KSR1: variants seen among roughly 807,000 people sequenced by gnomAD.
The protein encoded by KSR1 is kinase suppressor of ras 1.
A neutral mutation model predicts 92.9 loss-of-function variants in KSR1; 35 were observed. The observed-to-expected ratio is 0.38, with a 90% CI of 0.29 to 0.50. The LOEUF (loss-of-function observed/expected upper bound fraction) is 0.50, where lower values mean the gene tolerates loss of function less well. Among genes scored for constraint, KSR1 ranks in the 20% least tolerant of loss-of-function variants. KSR1 has a pLI of 0.94. For missense variants in KSR1, 972 were observed against 1,158.5 expected, an observed-to-expected ratio of 0.84 and a Z score of 2.34; for synonymous variants, 467 against 472.6, an observed-to-expected ratio of 0.99 and a Z score of 0.15.
intron 1 of KSR1, among the ~76,000 whole-genome samples, chr17:27,470,989 G>A (rs1040559441): frequency 1.3e-5 from 2 of 151,938 alleles, no homozygotes; most frequent in African/African-American, 4.8e-5. Flanking sequence ...TTGTGCCTCA[G>A]CCTCCTGAGT....
At chr17:27,610,305 T>C in intron 17 of KSR1, 107 bp downstream of exon 17, 1 of 1,491,328 alleles carries the variant, frequency 6.7e-7, no homozygotes, top group Non-Finnish European at 9.1e-7. Context: ...AAACCCAGGC[T>C]CTGGAGTAAA....
At chr17:27,555,511 C>CGTGTGT (rs71359222) in intron 2 of KSR1, among the ~76,000 whole-genome samples, 2,105 of 150,186 alleles carry the variant, frequency 0.014, 14 homozygotes, top group African/African-American at 0.027. Flanking sequence ...TTTTGTTTGG[C>CGTGTGT]GTGTGTGTGT....
chr17:27,617,449 C>A, intron 19 of KSR1, 21 bp downstream of exon 19: 1 of 1,591,136 alleles, frequency 6.3e-7, no homozygotes, highest in Middle Eastern at 1.7e-4. Flanking sequence ...CTTCCATGAG[C>A]CAGACTGCCA....
chr17:27,556,028 G>A (rs1290514835), intron 2 of KSR1, among the ~76,000 whole-genome samples: 2 of 152,222 alleles, frequency 1.3e-5, no homozygotes, highest in East Asian at 1.9e-4. Flanking sequence ...TCAGGAACCT[G>A]CTCTTTCCCC....
chr17:27,605,861 C>T (rs189762490), intron 14 of KSR1, 48 bp downstream of exon 14: 8 of 1,603,192 alleles, frequency 5.0e-6, no homozygotes, highest in Admixed American at 1.7e-5. Flanking sequence ...TCAGCCTCCC[C>T]CTTCCCAGGG....
At chr17:27,590,926 C>G in intron 7 of KSR1, 32 bp downstream of exon 7, 1 of 1,567,330 alleles carries the variant, frequency 6.4e-7, no homozygotes, top group South Asian at 1.2e-5. Flanking sequence ...GTGGGGGGAG[C>G]AGACACTTTT....
At chr17:27,563,981 C>CTGTTTTTTTTTTTTTTTTTTTTT (rs2071944061) in intron 2 of KSR1, among the ~76,000 whole-genome samples, 1 of 46,874 alleles carries the variant, frequency 2.1e-5, no homozygotes, top group Non-Finnish European at 3.6e-5. Flanking sequence ...TATTCGGTAG[C>CTGTTTTTTTTTTTTTTTTTTTTT]TTTTTTTTTT....
At chr17:27,500,524 C>T (rs920760849) in intron 1 of KSR1, among the ~76,000 whole-genome samples, 1 of 152,230 alleles carries the variant, frequency 6.6e-6, no homozygotes, top group Admixed American at 6.5e-5. Flanking sequence ...GCACCTGGAC[C>T]AACCAGGCCT....
chr17:27,583,302 T>C (rs1026749650), intron 4 of KSR1, among the ~76,000 whole-genome samples, 197 bp downstream of exon 4: 6 of 152,258 alleles, frequency 3.9e-5, no homozygotes, highest in African/African-American at 1.4e-4. Flanking sequence ...GTTTTGTATG[T>C]ACACGTACAT....
At chr17:27,526,665 T>C (rs748804545) in intron 1 of KSR1, 13 of 1,554,000 alleles carry the variant, frequency 8.4e-6, no homozygotes, top group Non-Finnish European at 1.2e-5. Flanking sequence ...ATTTTGCTCA[T>C]GTAGTTTTTA....
chr17:27,603,803 A>G, intron 11 of KSR1, 31 bp from the exon 12 acceptor site: 1 of 1,607,722 alleles, frequency 6.2e-7, no homozygotes, highest in Non-Finnish European at 8.5e-7. Context: ...AAGCAATCTC[A>G]TGCTTTGTGT....
intron 12 of KSR1, 96 bp from the exon 13 acceptor site, chr17:27,604,584 A>C: frequency 8.0e-7 from 1 of 1,254,942 alleles, no homozygotes; most frequent in Non-Finnish European, 1.2e-6. Flanking sequence ...AGTCAGAGTA[A>C]GTACCTTTGT....
intron 1 of KSR1, among the ~76,000 whole-genome samples, chr17:27,526,064 T>G (rs9909943): frequency 8.9e-6 from 1 of 112,634 alleles, no homozygotes; most frequent in Non-Finnish European, 1.7e-5. Flanking sequence ...CTCTCTCTCT[T>G]TCTTTCTCTT....
chr17:27,532,309 A>G (rs901031060), intron 1 of KSR1, among the ~76,000 whole-genome samples: 3 of 152,164 alleles, frequency 2.0e-5, no homozygotes, highest in East Asian at 1.9e-4. Flanking sequence ...CGGGTGAGCT[A>G]TCCTCCACCT....
rs1291068905 is a variant in KSR1 at position 27,585,734 on chromosome 17, G to A, written c.985+73G>A. 3 of 727,368 alleles carry A rather than the reference G, an allele frequency of 4.1e-6. No homozygotes were observed. In the East Asian group the frequency reaches 7.8e-5, roughly 19 times the overall value. 45.1% of individuals were successfully genotyped at this position (727,368 alleles called of 1,614,324 possible). On this transcript the variant is annotated intron_variant, in intron 5 of 20. Transcript: ENST00000644974. ...TGCGTTGCTGTCCCCATCGGGGGTG[G>A]ACCTCTTTGACCCACCTCTTAGCCC...
At position 27,621,258 on chromosome 17, in the gene KSR1, C is replaced by T. The variant is rs1210154778; in HGVS notation, c.2693C>T (p.Pro898Leu). 1.0e-5 allele frequency: 4 copies of T among 398,572 alleles called. No homozygotes were observed. The highest frequency in any genetic ancestry group is 4.4e-5 in the Admixed American group (1 of 22,710). The allele number at this position is 398,572 out of a possible 1,614,324, so 24.7% of individuals were successfully genotyped here. ...YGHPDFKSSC[P>L]ILEEYINSSK... The stretch of plus-strand genomic sequence containing the variant: ...CACCCTGACTTTAAGAGCTCCTGTC[C>T]GATTCTGGAGGAATAGTGTGTTCCT... The change falls in exon 20 of 21, where the codon CCG (proline) becomes CTG (leucine). Residue 898 changes from proline to leucine, a missense_variant. Physicochemically the swap from Pro to Leu is moderately conservative, Grantham distance 98. Around this residue, in one of 5 missense-constraint regions of KSR1, gnomAD observed 46 missense variants for 39.0 expected, o/e 1.18. Transcript: ENST00000644974.
At chr17:27,600,364 C>A (rs183987453) in intron 10 of KSR1, among the ~76,000 whole-genome samples, 141 of 152,102 alleles carry the variant, frequency 9.3e-4, no homozygotes, top group Middle Eastern at 3.4e-3. Context: ...CGCTTGAACC[C>A]AGGAAGCAGA....
intron 10 of KSR1, among the ~76,000 whole-genome samples, chr17:27,600,595 C>T (rs2073520732): frequency 6.6e-6 from 1 of 152,098 alleles, no homozygotes; most frequent in Non-Finnish European, 1.5e-5. Context: ...GCTTGTAGTT[C>T]CGTGGATTAT....
intron 6 of KSR1, among the ~76,000 whole-genome samples, chr17:27,589,339 C>A (rs917711474): frequency 1.3e-5 from 2 of 152,156 alleles, no homozygotes; most frequent in Non-Finnish European, 2.9e-5. Flanking sequence ...CCCTTGTGCT[C>A]GGGGCCTTTT....
Sources: gnomAD v4.1 joint callset for allele counts (sites outside exome capture counted in the v4.1 genomes callset) on GRCh38, gnomAD v4.1.1 for gene constraint, gnomAD v4.1.1 regional missense constraint, MANE v1.5 for transcripts, NCBI Gene and HGNC (gene_info 2026-07-23, HGNC 2026-07-21) for gene names.